The following HOOK3 variants were observed in gnomAD, a reference collection of about 807,000 sequenced individuals.
The protein encoded by HOOK3 is protein Hook homolog 3.
A neutral mutation model predicts 116.3 loss-of-function variants in HOOK3; 24 were observed. That is an observed-to-expected ratio of 0.21 (90% CI 0.15 to 0.29). The LOEUF is 0.29. HOOK3 is among the 10% of genes least tolerant of loss of function. The pLI, the probability that HOOK3 is intolerant of heterozygous loss-of-function variation, is 1.00. For synonymous variants in HOOK3, 275 were observed against 283.0 expected (o/e 0.97, Z 0.28); for missense variants, 632 against 830.2 (o/e 0.76, Z 2.93).
chr8:42,948,917 A>G (rs1432562051), intron 5 of HOOK3, among the ~76,000 whole-genome samples: 1 of 152,252 alleles, frequency 6.6e-6, no homozygotes, highest in Non-Finnish European at 1.5e-5. Context: ...CAAACAATCG[A>G]TTGGGTACAA....
chr8:42,989,718 G>A (rs955688397), intron 15 of HOOK3, among the ~76,000 whole-genome samples: 13 of 151,830 alleles, frequency 8.6e-5, no homozygotes, highest in Non-Finnish European at 1.8e-4. Flanking sequence ...CTATTTTTAT[G>A]TACCCATTAA....
intron 1 of HOOK3, among the ~76,000 whole-genome samples, chr8:42,897,905 C>T (rs1238334256): frequency 6.6e-6 from 1 of 152,190 alleles, no homozygotes; most frequent in African/African-American, 2.4e-5. Context: ...GCCCGGGTTC[C>T]AGTCGTTCTC....
chr8:42,961,820 T>TCG (rs1808538664), intron 8 of HOOK3, among the ~76,000 whole-genome samples: 1 of 152,208 alleles, frequency 6.6e-6, no homozygotes, highest in Non-Finnish European at 1.5e-5. Context: ...AGGGTCTCAC[T>TCG]CTGTCACCCA....
chr8:43,007,016 ATTT>A (rs58609523), intron 17 of HOOK3, among the ~76,000 whole-genome samples: 11 of 103,242 alleles, frequency 1.1e-4, no homozygotes, highest in African/African-American at 4.3e-4. Context: ...AAGTTCCTAG[ATTT>A]TTTTTTTTTT....
intron 13 of HOOK3, among the ~76,000 whole-genome samples, chr8:42,980,415 T>C (rs1808916940): frequency 1.3e-5 from 2 of 152,206 alleles, no homozygotes; most frequent in Admixed American, 1.3e-4. Flanking sequence ...CGCTATAGTT[T>C]GAATGTCCCC....
rs938311612 is a variant in HOOK3, at chr8:43,024,629, T to G, written c.*6131T>G. 1 of 185,716 alleles carries G rather than the reference T, an allele frequency of 5.4e-6. No individual in the cohort carries two copies. The highest frequency in any genetic ancestry group is 1.1e-5 in the Non-Finnish European group (1 of 87,668). The allele number at this position is 185,716 out of a possible 1,614,324, so 11.5% of individuals were successfully genotyped here. On this transcript the variant is annotated 3_prime_UTR_variant, in exon 22 of 22. Coordinates refer to ENST00000307602, the MANE Select transcript of HOOK3 (RefSeq NM_032410.4). ...TTTCTATGAGGAAGGCTATTCTCAA[T>G]GTATCTGTCGTCTAATTTTTTATTT...
In HOOK3 at chr8:43,026,409, T is replaced by C. The variant is rs1809934388; in HGVS notation, c.*7911T>C. The stretch of plus-strand genomic sequence containing the variant: ...CCTCTACCTTTCTGGCATTTTCTGT[T>C]ATCTTAGAGTCAGGAATCTAAAGGT... On this transcript the variant is annotated 3_prime_UTR_variant, in exon 22 of 22. Coordinates refer to ENST00000307602, the MANE Select transcript of HOOK3 (RefSeq NM_032410.4). 1.5e-5 allele frequency: 3 copies of C among 204,084 alleles called. No homozygotes were observed. Among genetic ancestry groups the C allele is most frequent in the Non-Finnish European group, 3.0e-5 (3 of 99,668 alleles). The allele number at this position is 204,084 out of a possible 1,614,324, so 12.6% of individuals were successfully genotyped here. A position where few individuals can be genotyped will look rare whatever the true frequency, so the allele number is the denominator to read the frequency against.
intron 1 of HOOK3, among the ~76,000 whole-genome samples, 171 bp from the exon 2 acceptor site, chr8:42,906,002 A>T (rs1807298654): frequency 6.7e-6 from 1 of 150,352 alleles, no homozygotes; most frequent in Non-Finnish European, 1.5e-5. Context: ...CAGGAGAATC[A>T]CTTGAACCTG....
chr8:42,951,155 G>A (rs985202100), intron 6 of HOOK3, among the ~76,000 whole-genome samples: 3 of 152,166 alleles, frequency 2.0e-5, no homozygotes, highest in Non-Finnish European at 4.4e-5. Flanking sequence ...CCACCACCCA[G>A]GTTCAAGCAA....
At position 42,982,834 on chromosome 8, in the gene HOOK3, G is replaced by C. The variant is rs974953811; in HGVS notation, c.1391+138G>C. ...CATGAACTCAGTGTTAAATTTTTATGTTTTCAACATGTTAAAAGCTTTCTT... is the reference window on the plus strand; with the variant it reads ...CATGAACTCAGTGTTAAATTTTTATCTTTTCAACATGTTAAAAGCTTTCTT... On this transcript the variant is annotated intron_variant, in intron 14 of 21. Transcript: ENST00000307602. 8 of 619,524 alleles carry C rather than the reference G, an allele frequency of 1.3e-5. No homozygotes were observed. The East Asian group carries it at 2.0e-4, about 15-fold the overall frequency. The allele number at this position is 619,524 out of a possible 1,614,324, so 38.4% of individuals were successfully genotyped here. A position where few individuals can be genotyped will look rare whatever the true frequency, so the allele number is the denominator to read the frequency against.
chr8:42,921,862 A>G (rs1225758853), intron 2 of HOOK3, among the ~76,000 whole-genome samples: 3 of 151,842 alleles, frequency 2.0e-5, no homozygotes, highest in Non-Finnish European at 4.4e-5. Context: ...ATGGATAGAA[A>G]GAAAGAAAGA....
chr8:43,017,609 G>C (rs901648089), intron 21 of HOOK3, among the ~76,000 whole-genome samples: 3 of 152,106 alleles, frequency 2.0e-5, no homozygotes, highest in Admixed American at 2.0e-4. Flanking sequence ...TATTAAATGA[G>C]TACCAAAAAA....
chr8:43,026,569 A>G lies in HOOK3; in HGVS notation c.*8071A>G, dbSNP rs1425182921. On this transcript the variant is annotated 3_prime_UTR_variant, in exon 22 of 22. Transcript: ENST00000307602. The stretch of plus-strand genomic sequence containing the variant: ...CCTTTCAAACGCAAACACCCTTGAA[A>G]CTTGATGCTTTCTGAAGTTGTATTC... The G allele has an allele frequency of 1.4e-5, 3 of 216,408 alleles. No individual in the cohort carries two copies. The highest frequency in any genetic ancestry group is 1.9e-5 in the Non-Finnish European group (2 of 107,516). The allele number at this position is 216,408 out of a possible 1,614,324, so 13.4% of individuals were successfully genotyped here. A position where few individuals can be genotyped will look rare whatever the true frequency, so the allele number is the denominator to read the frequency against.
At chr8:42,964,267 G>T (rs778808508) in intron 8 of HOOK3, 44 bp from the exon 9 acceptor site, 2 of 1,585,754 alleles carry the variant, frequency 1.3e-6, no homozygotes, top group East Asian at 2.2e-5. Context: ...GCTGATGCCA[G>T]TGTAGTTGGA....
rs200230883 is a variant in HOOK3 at position 42,986,826 on chromosome 8, A to G, written c.1532+31A>G. On this transcript the variant is annotated intron_variant, in intron 15 of 21. Transcript: ENST00000307602. ...GTATTATAGGTGGCCGCATCTGGCT[A>G]TAAGTTTTCCCTATTTGCCTTGATT... 94 of 1,604,250 alleles carry G rather than the reference A, an allele frequency of 5.9e-5. No individual in the cohort carries two copies. The East Asian group carries it at 1.3e-3, about 23-fold the overall frequency.
chr8:42,944,522 G>T (rs1219284354), intron 5 of HOOK3, among the ~76,000 whole-genome samples: 1 of 151,502 alleles, frequency 6.6e-6, no homozygotes, highest in Non-Finnish European at 1.5e-5. Context: ...CGATAAACAG[G>T]CTTGTAAAAT....
intron 5 of HOOK3, among the ~76,000 whole-genome samples, chr8:42,946,552 T>C (rs1808230211): frequency 2.0e-5 from 3 of 152,116 alleles, no homozygotes; most frequent in Admixed American, 2.0e-4. Context: ...TTTTTTCTTG[T>C]TTCCCCACTG....
rs764965780 is a variant in HOOK3, at chr8:42,931,425, CTTTT to C, written c.267+1274_267+1277del. 1.2e-4 allele frequency among the ~76,000 whole-genome samples: 12 copies of C among 100,608 alleles called. No homozygotes were observed. In the East Asian group the frequency reaches 1.4e-3, roughly 12 times the overall value. The allele number at this position is 100,608 out of a possible 152,430, so 66.0% of individuals were successfully genotyped here. ...TCACCCCATTATATTCTTCTCTTCTCTTTTTTTTTTTTTTTTTTTTTTTTGAGAC... is the reference window on the plus strand; with the variant it reads ...TCACCCCATTATATTCTTCTCTTCTCTTTTTTTTTTTTTTTTTTTTGAGAC... On this transcript the variant is annotated intron_variant, in intron 4 of 21. Transcript: ENST00000307602.
At chr8:42,936,397 A>G (rs922108774) in intron 4 of HOOK3, among the ~76,000 whole-genome samples, 1 of 152,104 alleles carries the variant, frequency 6.6e-6, no homozygotes, top group African/African-American at 2.4e-5. Flanking sequence ...TTCTTGCCTG[A>G]TTGCCCTGGC....
Sources: allele counts gnomAD v4.1 joint callset (sites outside exome capture counted in the v4.1 genomes callset), GRCh38; gene constraint gnomAD v4.1.1; transcripts MANE v1.5; gene names NCBI Gene and HGNC (gene_info 2026-07-23, HGNC 2026-07-21).